The following CD6 variants were observed in gnomAD, a reference collection of about 807,000 sequenced individuals.
CD6 encodes T-cell differentiation antigen CD6.
Under a neutral mutation model 75.3 loss-of-function variants are expected in CD6, and 53 were observed. The observed-to-expected ratio is 0.70, with a 90% confidence interval of 0.56 to 0.88. The LOEUF (loss-of-function observed/expected upper bound fraction) is 0.88, where lower values mean the gene tolerates loss of function less well. Ranked by LOEUF, CD6 falls within the 40% of genes least tolerant of loss-of-function variation. The pLI, the probability that CD6 is intolerant of heterozygous loss-of-function variation, is 0.00. For synonymous variants in CD6, 359 were observed against 381.5 expected, an observed-to-expected ratio of 0.94 and a Z score of 0.69; for missense variants, 770 against 897.1, an observed-to-expected ratio of 0.86 and a Z score of 1.81.
chr11:61,005,515 T>G (rs1858805476), intron 1 of CD6, among the ~76,000 whole-genome samples: 1 of 152,218 alleles, frequency 6.6e-6, no homozygotes, highest in African/African-American at 2.4e-5. Context: ...GCAGAATGGA[T>G]AGTAGCTCTG....
At position 60,971,901 on chromosome 11, in the gene CD6, G is replaced by A. The variant is rs369885718; in HGVS notation, c.36G>A (p.Thr12=). The part of the protein sequence containing the change: ...WLFFGITGLL[T]AALSGHPSPA... Reference sequence around the variant, plus strand: ...TCTTCGGGATCACTGGATTGCTGACGGCAGCCCTCTCAGGTAGGCCCCCTT... The same window carrying A: ...TCTTCGGGATCACTGGATTGCTGACAGCAGCCCTCTCAGGTAGGCCCCCTT... Residue 12 remains threonine (T), a synonymous_variant, in exon 1 of 13, where the codon ACG becomes ACA. Transcript: ENST00000313421. 166 of 1,614,002 alleles carry A rather than the reference G, an allele frequency of 1.0e-4. No homozygotes were observed. Among genetic ancestry groups the A allele is most frequent in the Non-Finnish European group, 1.2e-4 (145 of 1,179,992 alleles).
At chr11:60,981,831 C>T (rs995436054) in intron 1 of CD6, among the ~76,000 whole-genome samples, 4 of 152,058 alleles carry the variant, frequency 2.6e-5, no homozygotes, top group South Asian at 4.1e-4. Context: ...GAGGAAGCTC[C>T]GGGGCTGGGT....
chr11:60,987,831 G>C (rs577644335), intron 1 of CD6: 1 of 152,128 alleles, frequency 6.6e-6, no homozygotes, highest in African/African-American at 2.4e-5. Context: ...TTTTTCCAGA[G>C]TACTTAGTTC....
In CD6 at chr11:61,007,212, G is replaced by T. The variant is rs560116287; in HGVS notation, c.119-348G>T. On this transcript the variant is annotated intron_variant, in intron 2 of 12. Coordinates refer to ENST00000313421, the MANE Select transcript of CD6 (RefSeq NM_006725.5). The surrounding 1 kb of genome is among the most constrained non-coding windows in gnomAD (Gnocchi z 4.2). The stretch of plus-strand genomic sequence containing the variant: ...GGAAGCATGCGCCCACTGGACCAGG[G>T]CCCCTGAACTCACAACTCTGCCTTT... Among the ~76,000 whole-genome samples, 98 of 152,232 alleles carry T rather than the reference G, an allele frequency of 6.4e-4. No individual in the cohort carries two copies. The highest frequency in any genetic ancestry group is 2.3e-3 in the African/African-American group (95 of 41,538).
chr11:61,006,812 C>T (rs1858881837), intron 2 of CD6, among the ~76,000 whole-genome samples, 170 bp downstream of exon 2: 2 of 152,092 alleles, frequency 1.3e-5, no homozygotes, highest in South Asian at 2.1e-4. Context: ...ACTTTGAGGT[C>T]GTAGAACTAC....
At position 61,011,133 on chromosome 11, in the gene CD6, T is replaced by C. The variant is rs749372795; in HGVS notation, c.1148T>C (p.Ile383Thr). The C allele has an allele frequency of 5.6e-6, 9 of 1,613,546 alleles. No individual in the cohort carries two copies. The highest frequency in any genetic ancestry group is 7.6e-6 in the Non-Finnish European group (9 of 1,179,636). Reference sequence around the variant, plus strand: ...CCTGCAAGTGTTCAGACAGTCACTATAGGTAAGTGTTGCTGGGTACTACGC... The same window carrying C: ...CCTGCAAGTGTTCAGACAGTCACTACAGGTAAGTGTTGCTGGGTACTACGC... ...EVPASVQTVTIESSVTVKIEN... is the reference protein window; with the variant it reads ...EVPASVQTVTTESSVTVKIEN... The change falls in exon 6 of 13, where the codon ATA (isoleucine) becomes ACA (threonine). Residue 383 changes from isoleucine (I) to threonine (T), a missense_variant and splice_region_variant. Transcript: ENST00000313421.
rs747727885 is a variant in CD6 at position 60,971,701 on chromosome 11, G to A, written c.-165G>A. ...AGACACTCACAGGTTGGGTTTGATC[G>A]CATGCGTGTCGGAGAGGAGAGAGCA... On this transcript the variant is annotated 5_prime_UTR_variant, in exon 1 of 13. Transcript: ENST00000313421. The A allele has an allele frequency of 8.7e-5, 57 of 658,064 alleles. No individual in the cohort carries two copies. Among genetic ancestry groups the A allele is most frequent in the Non-Finnish European group, 1.4e-4 (51 of 375,862 alleles). The allele number at this position is 658,064 out of a possible 1,614,324, so 40.8% of individuals were successfully genotyped here.
intron 1 of CD6, among the ~76,000 whole-genome samples, chr11:61,000,356 C>T (rs1340380999): frequency 6.6e-6 from 1 of 152,018 alleles, no homozygotes; most frequent in Non-Finnish European, 1.5e-5. Context: ...GACACATGCA[C>T]CTGGCTGCAC....
Position 61,014,015 on chromosome 11 carries a change from G to A in CD6, c.1387+1G>A. 6.2e-7 allele frequency: 1 copy of A among 1,610,272 alleles called. No individual in the cohort carries two copies. The highest frequency in any genetic ancestry group is 1.7e-4 in the Middle Eastern group (1 of 6,054). On this transcript the variant is annotated splice_donor_variant, in intron 8 of 12. Coordinates refer to ENST00000313421, the MANE Select transcript of CD6 (RefSeq NM_006725.5). LOFTEE classifies it high-confidence loss of function. The stretch of plus-strand genomic sequence containing the variant: ...GTCCCCATCACCATCCCCAAAGAAG[G>A]TAGGATGTCCCCCATCCTGGGTGTG...
At chr11:60,977,695 G>A (rs1323818196) in intron 1 of CD6, among the ~76,000 whole-genome samples, 2 of 151,806 alleles carry the variant, frequency 1.3e-5, no homozygotes, top group Non-Finnish European at 2.9e-5. Flanking sequence ...GAATGCAGTG[G>A]TGCAGCTCAC....
At chr11:61,012,950 C>T (rs1260596062) in intron 6 of CD6, among the ~76,000 whole-genome samples, 1 of 152,156 alleles carries the variant, frequency 6.6e-6, no homozygotes, top group Non-Finnish European at 1.5e-5. Flanking sequence ...TGTAGGGCCT[C>T]ATGCCCCCAG....
Position 61,007,779 on chromosome 11 carries a change from C to T in CD6, c.338C>T (p.Thr113Ile). ...CCGCCCCCGCCTGCAGCCGGGAACA[C>T]CAGCGTAGCAGCTAATGCCACTCTG... is the stretch of plus-strand genomic sequence containing the variant. Reference protein sequence around the residue: ...ELPPPPAAGNTSVAANATLAG... With the variant: ...ELPPPPAAGNISVAANATLAG... Residue 113 changes from threonine to isoleucine, a missense_variant, in exon 3 of 13, where the codon ACC becomes ATC. Physicochemically the swap from Thr to Ile is moderately conservative, Grantham distance 89 (BLOSUM62 -1). Coordinates refer to ENST00000313421, the MANE Select transcript of CD6 (RefSeq NM_006725.5). This position sits in a 1 kb window ranked among gnomAD's most constrained non-coding sequence, Gnocchi z 4.2. 5 of 1,473,216 alleles carry T rather than the reference C, an allele frequency of 3.4e-6. No individual in the cohort carries two copies. Among genetic ancestry groups the T allele is most frequent in the Non-Finnish European group, 3.6e-6 (4 of 1,113,720 alleles). 91.3% of individuals were successfully genotyped at this position (1,473,216 alleles called of 1,614,324 possible).
In CD6 at chr11:61,008,525, C is replaced by A; in HGVS notation, c.470-9C>A. ...TGCCCCAGCATCCACAACCCCCTCC[C>A]ACCCCTAGAGAACCGCGCGCTGCGC... On this transcript the variant is annotated splice_polypyrimidine_tract_variant and intron_variant, in intron 3 of 12. Transcript: ENST00000313421. The A allele has an allele frequency of 6.3e-7, 1 of 1,579,794 alleles. No individual in the cohort carries two copies. The highest frequency in any genetic ancestry group is 2.3e-5 in the East Asian group (1 of 43,604).
Position 61,017,487 on chromosome 11 carries a change from C to T in CD6, c.1519C>T (p.Arg507Trp), listed in dbSNP as rs754489367. The change falls in exon 10 of 13, where the codon CGG becomes TGG. Residue 507 changes from arginine to tryptophan, a missense_variant. Transcript: ENST00000313421. ...VALTTFYNSQRHRVTDEEVQQ... is the reference protein window; with the variant it reads ...VALTTFYNSQWHRVTDEEVQQ... ...ACCGCCTCTGCTTGCAGATTCCCAG[C>T]GGCATCGGGTCACAGATGAGGAGGT... is the stretch of plus-strand genomic sequence containing the variant. 1.1e-5 allele frequency: 17 copies of T among 1,549,038 alleles called. No homozygotes were observed. Among genetic ancestry groups the T allele is most frequent in the Non-Finnish European group, 1.4e-5 (16 of 1,146,772 alleles).
chr11:60,974,573 AGGCCCTATCTCCTGGGCCTCTGCCCAGGT>A (rs1221071202), intron 1 of CD6, among the ~76,000 whole-genome samples: 1 of 152,170 alleles, frequency 6.6e-6, no homozygotes, highest in African/African-American at 2.4e-5. Flanking sequence ...CCCTAGCACG[AGGCCCTATCTCCTGGGCCTCTGCCCAGGT>A]GGCCCGGGTG....
intron 1 of CD6, 116 bp from the exon 2 acceptor site, chr11:61,006,458 A>C: frequency 1.3e-6 from 1 of 783,798 alleles, no homozygotes; most frequent in South Asian, 1.6e-5. Context: ...CGTCTTTTCC[A>C]AAGGCCTCAT....
At chr11:60,984,237 G>A (rs1857702611) in intron 1 of CD6, among the ~76,000 whole-genome samples, 1 of 152,220 alleles carries the variant, frequency 6.6e-6, no homozygotes, top group Non-Finnish European at 1.5e-5. Context: ...GCCGGAATCA[G>A]TTATTATAAG....
chr11:60,992,815 G>A (rs1036514687), intron 1 of CD6, among the ~76,000 whole-genome samples: 8 of 151,738 alleles, frequency 5.3e-5, no homozygotes, highest in African/African-American at 1.9e-4. Flanking sequence ...GCGACAGTGT[G>A]AGACTCCGTC....
chr11:60,983,756 G>A (rs2135033094), intron 1 of CD6, among the ~76,000 whole-genome samples: 1 of 152,158 alleles, frequency 6.6e-6, no homozygotes, highest in East Asian at 1.9e-4. Context: ...TTTGCCAATG[G>A]TTCCAATAAT....
Sources: allele counts gnomAD v4.1 joint callset (sites outside exome capture counted in the v4.1 genomes callset), GRCh38; gene constraint gnomAD v4.1.1; non-coding constraint Gnocchi (gnomAD v3.1); transcripts MANE v1.5; gene names NCBI Gene and HGNC (gene_info 2026-07-23, HGNC 2026-07-21).